The following RBFOX1 variants were observed in gnomAD, a reference collection of about 807,000 sequenced individuals.
The protein encoded by RBFOX1 is RNA binding fox-1 homolog 1.
RBFOX1 carries 8 observed loss-of-function variants against 57.7 expected under a neutral mutation model. That is an observed-to-expected ratio of 0.14 (90% CI 0.08 to 0.25). The LOEUF is 0.25. Ranked by LOEUF, RBFOX1 falls within the 10% of genes least tolerant of loss-of-function variation. The pLI is 1.00. For synonymous variants in RBFOX1, 326 were observed against 222.4 expected (o/e 1.47, Z -4.15); for missense variants, 611 against 548.5 (o/e 1.11, Z -1.14).
chr16:5,437,375 C>A (rs947598253), intron 1 of RBFOX1, among the ~76,000 whole-genome samples: 1 of 152,048 alleles, frequency 6.6e-6, no homozygotes, highest in Non-Finnish European at 1.5e-5. Flanking sequence ...GTATGATATA[C>A]CGAAAACCTT....
intron 1 of RBFOX1, among the ~76,000 whole-genome samples, chr16:6,198,554 C>T (rs1396912178): frequency 6.6e-6 from 1 of 152,116 alleles, no homozygotes; most frequent in African/African-American, 2.4e-5. Flanking sequence ...CTCTGTGGGA[C>T]TTAATTCATC....
chr16:7,659,993 T>C (rs963759356), intron 12 of RBFOX1, among the ~76,000 whole-genome samples: 1 of 152,116 alleles, frequency 6.6e-6, no homozygotes, highest in Non-Finnish European at 1.5e-5. Context: ...CATTAAAAAA[T>C]AGCGGTATTT....
At chr16:7,197,408 T>A in intron 4 of RBFOX1, among the ~76,000 whole-genome samples, 1 of 134,006 alleles carries the variant, frequency 7.5e-6, no homozygotes, top group Middle Eastern at 4.4e-3. Flanking sequence ...TAAAAGGTAG[T>A]CATGGGGAGA....
At chr16:6,269,405 G>C (rs1599010714) in intron 1 of RBFOX1, among the ~76,000 whole-genome samples, 1 of 152,158 alleles carries the variant, frequency 6.6e-6, no homozygotes, top group Admixed American at 6.5e-5. Flanking sequence ...TCCCAAGTCA[G>C]ATTAACTGAA....
chr16:6,375,508 G>A (rs1391456828), intron 2 of RBFOX1, among the ~76,000 whole-genome samples: 2 of 151,930 alleles, frequency 1.3e-5, no homozygotes, highest in Non-Finnish European at 2.9e-5. Context: ...TTCTGGGCAG[G>A]GGGAAAATGC....
chr16:5,393,033 G>C (rs558898116), intron 1 of RBFOX1, among the ~76,000 whole-genome samples: 2 of 152,132 alleles, frequency 1.3e-5, no homozygotes, highest in African/African-American at 4.8e-5. Flanking sequence ...AGAAGAGGTG[G>C]CTAAAAGACC....
chr16:7,078,940 C>T lies in RBFOX1; in HGVS notation c.27+26842C>T, dbSNP rs550212252. On this transcript the variant is annotated intron_variant, in intron 4 of 15. Coordinates refer to ENST00000550418, the MANE Select transcript of RBFOX1 (RefSeq NM_018723.4). The stretch of plus-strand genomic sequence containing the variant: ...GTCCAGGCTGGTCTTGAGCTCCTGA[C>T]CTCGTGATCCACCCACCTTGGCCTC... 3.7e-5 allele frequency among the ~76,000 whole-genome samples: 5 copies of T among 133,626 alleles called. No individual in the cohort carries two copies. The East Asian group carries it at 1.2e-3, about 33-fold the overall frequency. The allele number at this position is 133,626 out of a possible 152,430, so 87.7% of individuals were successfully genotyped here.
At chr16:6,633,586 G>A (rs977943987) in intron 2 of RBFOX1, among the ~76,000 whole-genome samples, 1 of 152,254 alleles carries the variant, frequency 6.6e-6, no homozygotes, top group Non-Finnish European at 1.5e-5. Context: ...GAGACACTGC[G>A]CCTGGCCACA....
chr16:7,612,170 A>T (rs191623291), intron 10 of RBFOX1, among the ~76,000 whole-genome samples: 193 of 151,122 alleles, frequency 1.3e-3, no homozygotes, highest in African/African-American at 4.7e-3. Flanking sequence ...AAATACAAAA[A>T]ATTAGCCGGG....
intron 3 of RBFOX1, among the ~76,000 whole-genome samples, chr16:6,741,230 C>A (rs1450853492): frequency 6.6e-6 from 1 of 152,008 alleles, no homozygotes; most frequent in Non-Finnish European, 1.5e-5. Flanking sequence ...AAAATTAGCT[C>A]AAAATGGATC....
At chr16:5,594,900 A>G (rs11076943) in intron 2 of RBFOX1, among the ~76,000 whole-genome samples, 16,660 of 150,110 alleles carry the variant, frequency 0.11, 1,155 homozygotes, top group East Asian at 0.33. Flanking sequence ...GGGAGGTTGA[A>G]GCAGGTGGAT....
intron 6 of RBFOX1, among the ~76,000 whole-genome samples, chr16:7,581,046 A>G (rs184033087): frequency 6.6e-6 from 1 of 152,190 alleles, no homozygotes; most frequent in East Asian, 1.9e-4. Context: ...TCACTACTCA[A>G]AGGCACTGTG....
chr16:6,567,289 C>T (rs553714878), intron 2 of RBFOX1, among the ~76,000 whole-genome samples: 1 of 152,252 alleles, frequency 6.6e-6, no homozygotes, highest in African/African-American at 2.4e-5. Context: ...TCCTGTGAGG[C>T]AAATTATTAT....
At chr16:6,943,938 G>C (rs1284151370) in intron 3 of RBFOX1, among the ~76,000 whole-genome samples, 1 of 152,028 alleles carries the variant, frequency 6.6e-6, no homozygotes, top group East Asian at 1.9e-4. Context: ...CATATCCCTG[G>C]AGTCTCTCTG....
intron 2 of RBFOX1, among the ~76,000 whole-genome samples, chr16:6,418,527 T>A (rs547941894): frequency 8.6e-5 from 12 of 139,156 alleles, no homozygotes; most frequent in Non-Finnish European, 9.6e-5. Context: ...TTATTTTTTT[T>A]TTTTTTTTTT....
chr16:5,896,432 C>T (rs977925341), intron 4 of RBFOX1, among the ~76,000 whole-genome samples: 2 of 151,560 alleles, frequency 1.3e-5, no homozygotes. Flanking sequence ...CCTGGCACCT[C>T]CCTGCGCTCC....
chr16:5,441,039 T>G (rs1360153368), intron 1 of RBFOX1, among the ~76,000 whole-genome samples: 1 of 152,262 alleles, frequency 6.6e-6, no homozygotes, highest in East Asian at 1.9e-4. Context: ...ATCGTGAAAA[T>G]GAAGGTCTGT....
intron 2 of RBFOX1, among the ~76,000 whole-genome samples, chr16:6,422,661 G>A (rs919320831): frequency 2.0e-5 from 3 of 152,160 alleles, no homozygotes; most frequent in African/African-American, 7.2e-5. Context: ...AGGAGCAAAA[G>A]AGAACAAGAG....
rs114532787 is a variant in RBFOX1 at position 5,499,097 on chromosome 16, G to T, written c.258+31843G>T. 3.9e-3 allele frequency among the ~76,000 whole-genome samples: 595 copies of T among 152,250 alleles called. 8 individuals carry two copies. The highest frequency in any genetic ancestry group is 0.013 in the African/African-American group (534 of 41,542). ...CATGCTTGCTGGCCAGGCCGGCTCT[G>T]GTTTTCCATTTCTCCATTTCCCTCA... On this transcript the variant is annotated intron_variant, in intron 2 of 2. Coordinates refer to the RBFOX1 transcript ENST00000585867.
Sources: gnomAD v4.1 joint callset for allele counts (sites outside exome capture counted in the v4.1 genomes callset) on GRCh38, gnomAD v4.1.1 for gene constraint, MANE v1.5 for transcripts, NCBI Gene and HGNC (gene_info 2026-07-23, HGNC 2026-07-21) for gene names.